The following CIDEA variants were observed in gnomAD, a reference collection of about 807,000 sequenced individuals.
The protein encoded by CIDEA is lipid transferase CIDEA.
CIDEA carries 10 observed loss-of-function variants against 18.2 expected under a neutral mutation model. The observed-to-expected ratio is 0.55, with a 90% CI of 0.34 to 0.93. CIDEA has a LOEUF of 0.93. Ranked by LOEUF, CIDEA falls within the 40% of genes least tolerant of loss-of-function variation. CIDEA has a pLI of 0.02. For missense variants in CIDEA, 309 were observed against 293.1 expected (o/e 1.05, Z -0.40); for synonymous variants, 128 against 124.8 (o/e 1.03, Z -0.17).
chr18:12,266,173 A>G (rs1210358656), intron 3 of CIDEA, among the ~76,000 whole-genome samples: 1 of 152,090 alleles, frequency 6.6e-6, no homozygotes, highest in Non-Finnish European at 1.5e-5. Context: ...GGATGCTGCA[A>G]TGAACTATGA....
rs1333805334 is a variant in CIDEA at position 12,254,425 on chromosome 18, A to C, written c.38+4A>C. 6.3e-7 allele frequency: 1 copy of C among 1,591,882 alleles called. No individual in the cohort carries two copies. The highest frequency in any genetic ancestry group is 1.7e-5 in the Admixed American group (1 of 58,598). ...ACTATGCAGGAGCCCTCATCAGGCGAGTGCCCCGCGTCCCCCTGATTGCCG... is the reference window on the plus strand; with the variant it reads ...ACTATGCAGGAGCCCTCATCAGGCGCGTGCCCCGCGTCCCCCTGATTGCCG... On this transcript the variant is annotated splice_donor_region_variant and intron_variant, in intron 1 of 4. Transcript: ENST00000320477.
At chr18:12,256,920 G>A (rs535779426) in intron 1 of CIDEA, among the ~76,000 whole-genome samples, 2 of 152,214 alleles carry the variant, frequency 1.3e-5, no homozygotes, top group Non-Finnish European at 2.9e-5. Flanking sequence ...GAACCAGGCA[G>A]TCCTTGTCGG....
At position 12,258,672 on chromosome 18, in the gene CIDEA, C is replaced by T. The variant is rs576494544; in HGVS notation, c.39-4153C>T. On this transcript the variant is annotated intron_variant, in intron 1 of 4. Transcript: ENST00000320477. ...AGGTGCCGCACCGCTGGGTGGAAGC[C>T]GGAGCTGGATTCAGACCCTGGTCTA... 2.6e-4 allele frequency among the ~76,000 whole-genome samples: 39 copies of T among 152,320 alleles called. No homozygotes were observed. In the South Asian group the frequency reaches 8.1e-3, roughly 32 times the overall value.
rs201541212 is a variant in CIDEA, at chr18:12,274,254, G to A, written c.492G>A (p.Thr164=). ...CCGTGTCCTACGACATCCGGTGCAC[G>A]GGACTCAAGGGCCTGCTGAGGTAAC... The part of the protein sequence containing the change: ...MYSVSYDIRC[T]GLKGLLRSLL... The change falls in exon 4 of 5, where the codon ACG becomes ACA. Residue 164 remains threonine (T), a synonymous_variant. Coordinates refer to ENST00000320477, the MANE Select transcript of CIDEA (RefSeq NM_001279.4). 1.3e-5 allele frequency: 21 copies of A among 1,614,138 alleles called. No individual in the cohort carries two copies. The highest frequency in any genetic ancestry group is 8.9e-5 in the East Asian group (4 of 44,882).
At chr18:12,265,182 C>T (rs375889941) in intron 3 of CIDEA, among the ~76,000 whole-genome samples, 1 of 152,222 alleles carries the variant, frequency 6.6e-6, no homozygotes, top group Admixed American at 6.5e-5. Flanking sequence ...ATGAAGCCTT[C>T]GGTCTCTGGG....
intron 3 of CIDEA, 53 bp downstream of exon 3, chr18:12,264,506 A>C: frequency 1.4e-6 from 2 of 1,480,584 alleles, no homozygotes; most frequent in Non-Finnish European, 1.8e-6. Flanking sequence ...TTTTACCTAC[A>C]AATTTGTGTG....
intron 1 of CIDEA, among the ~76,000 whole-genome samples, chr18:12,258,455 T>C (rs1027073646): frequency 3.3e-5 from 5 of 152,230 alleles, no homozygotes; most frequent in Non-Finnish European, 5.9e-5. Context: ...CCTAGCATCT[T>C]TCACTCAGTA....
intron 4 of CIDEA, among the ~76,000 whole-genome samples, chr18:12,275,779 T>C (rs1385187928): frequency 6.6e-6 from 1 of 152,182 alleles, no homozygotes; most frequent in Non-Finnish European, 1.5e-5. Context: ...TGGCTGACTC[T>C]AAACTACAGT....
chr18:12,274,744 G>A (rs774315530), intron 4 of CIDEA, among the ~76,000 whole-genome samples: 1 of 152,116 alleles, frequency 6.6e-6, no homozygotes, highest in Non-Finnish European at 1.5e-5. Context: ...ATAATGCCAG[G>A]GCACCGTCAT....
At chr18:12,255,769 C>G (rs542530015) in intron 1 of CIDEA, among the ~76,000 whole-genome samples, 1 of 152,300 alleles carries the variant, frequency 6.6e-6, no homozygotes, top group East Asian at 1.9e-4. Context: ...CTGAGCCTGT[C>G]CCTGCCTCTG....
chr18:12,268,060 T>C lies in CIDEA; in HGVS notation c.330+3607T>C, dbSNP rs75867170. On this transcript the variant is annotated intron_variant, in intron 3 of 4. Transcript: ENST00000320477. The stretch of plus-strand genomic sequence containing the variant: ...GATATTCCCAATAGTCAAAATTGTT[T>C]TTTGTTTGTTTGCTTGTTTTTTGAG... Among the ~76,000 whole-genome samples, 174 of 152,140 alleles carry C rather than the reference T, an allele frequency of 1.1e-3. 4 individuals carry two copies. The East Asian group carries it at 0.031, about 27-fold the overall frequency.
intron 1 of CIDEA, among the ~76,000 whole-genome samples, chr18:12,259,465 G>T (rs1185204209): frequency 6.6e-6 from 1 of 152,172 alleles, no homozygotes; most frequent in Non-Finnish European, 1.5e-5. Context: ...TTCCCTTATT[G>T]ACTGGCCCAC....
chr18:12,254,674 A>G, intron 1 of CIDEA: 1 of 1,522,878 alleles, frequency 6.6e-7, no homozygotes, highest in Non-Finnish European at 8.8e-7. Flanking sequence ...GGGCACAGGT[A>G]CCAGGTGTGG....
At position 12,274,208 on chromosome 18, in the gene CIDEA, C is replaced by T. The variant is rs1912637861; in HGVS notation, c.446C>T (p.Ala149Val). 2 of 1,614,196 alleles carry T rather than the reference C, an allele frequency of 1.2e-6. No individual in the cohort carries two copies. The highest frequency in any genetic ancestry group is 1.7e-6 in the Non-Finnish European group (2 of 1,180,052). Residue 149 changes from alanine to valine, a missense_variant, in exon 4 of 5, where the codon GCC becomes GTC. Ala to Val is a moderately conservative substitution (Grantham distance 64). Transcript: ENST00000320477. Reference sequence around the variant, plus strand: ...TTCATCGGCTGCCTTAACGTGAAGGCCACCATGTATGAGATGTACTCCGTG... The same window carrying T: ...TTCATCGGCTGCCTTAACGTGAAGGTCACCATGTATGAGATGTACTCCGTG... ...KDFIGCLNVK[A>V]TMYEMYSVSY...
chr18:12,273,983 C>T lies in CIDEA; in HGVS notation c.331-110C>T, dbSNP rs545704932. On this transcript the variant is annotated intron_variant, in intron 3 of 4. Coordinates refer to ENST00000320477, the MANE Select transcript of CIDEA (RefSeq NM_001279.4). Reference sequence around the variant, plus strand: ...TATCGATTAGCCACGGAGCCGCTCACAGACCTTAAACAGACACATAGGAGA... The same window carrying T: ...TATCGATTAGCCACGGAGCCGCTCATAGACCTTAAACAGACACATAGGAGA... The T allele has an allele frequency of 3.6e-4, 434 of 1,208,582 alleles. 2 individuals carry two copies. In the African/African-American group the frequency reaches 5.9e-3, roughly 16 times the overall value. The allele number at this position is 1,208,582 out of a possible 1,614,324, so 74.9% of individuals were successfully genotyped here. A position where few individuals can be genotyped will look rare whatever the true frequency, so the allele number is the denominator to read the frequency against.
chr18:12,277,460 TGG>T lies in CIDEA; in HGVS notation c.*196_*197del. ...AGTGGGGGCAGTGGGCAGGGTGCCC[TGG>T]GGGGGAGGCATAGAGGGCCCTGGGG... On this transcript the variant is annotated 3_prime_UTR_variant, in exon 5 of 5. Coordinates refer to ENST00000320477, the MANE Select transcript of CIDEA (RefSeq NM_001279.4). 2 of 381,488 alleles carry T rather than the reference TGG, an allele frequency of 5.2e-6. No homozygotes were observed. The highest frequency in any genetic ancestry group is 8.4e-5 in the Admixed American group (2 of 23,820). The allele number at this position is 381,488 out of a possible 1,614,324, so 23.6% of individuals were successfully genotyped here.
Position 12,277,113 on chromosome 18 carries a change from T to C in CIDEA, c.513-10T>C. The C allele has an allele frequency of 6.2e-7, 1 of 1,613,692 alleles. No homozygotes were observed. Among genetic ancestry groups the C allele is most frequent in the Non-Finnish European group, 8.5e-7 (1 of 1,179,696 alleles). On this transcript the variant is annotated splice_polypyrimidine_tract_variant and intron_variant, in intron 4 of 4. Transcript: ENST00000320477. The stretch of plus-strand genomic sequence containing the variant: ...CCAAGCTAAAGCCTCCCCATCTGCC[T>C]CTGCCACAGGAGTCTGCTGCGGTTC...
chr18:12,277,434 A>C lies in CIDEA; in HGVS notation c.*164A>C. 7 of 592,470 alleles carry C rather than the reference A, an allele frequency of 1.2e-5. No individual in the cohort carries two copies. Among genetic ancestry groups the C allele is most frequent in the East Asian group, 9.3e-5 (2 of 21,406 alleles). The allele number at this position is 592,470 out of a possible 1,614,324, so 36.7% of individuals were successfully genotyped here. ...AAAGGAAAGGGCTTGGTGGTACATG[A>C]AGTGGGGGCAGTGGGCAGGGTGCCC... On this transcript the variant is annotated 3_prime_UTR_variant, in exon 5 of 5. Coordinates refer to ENST00000320477, the MANE Select transcript of CIDEA (RefSeq NM_001279.4).
Position 12,268,229 on chromosome 18 carries a change from C to CTTTTTT in CIDEA, c.330+3776_330+3777insTTTTTT, listed in dbSNP as rs1491473988. ...ACAAGTGCCTGCCACCATGCCCGGC[C>CTTTTTT]ATTTTTTTTTTTTTTTTTTTTTTCA... On this transcript the variant is annotated intron_variant, in intron 3 of 4. Transcript: ENST00000320477. 3.1e-3 allele frequency among the ~76,000 whole-genome samples: 226 copies of CTTTTTT among 72,980 alleles called. 53 individuals are homozygous for CTTTTTT. The highest frequency in any genetic ancestry group is 6.4e-3 in the East Asian group (16 of 2,510). The allele number at this position is 72,980 out of a possible 152,430, so 47.9% of individuals were successfully genotyped here. A position where few individuals can be genotyped will look rare whatever the true frequency, so the allele number is the denominator to read the frequency against.
Sources: gnomAD v4.1 joint callset for allele counts (sites outside exome capture counted in the v4.1 genomes callset) on GRCh38, gnomAD v4.1.1 for gene constraint, MANE v1.5 for transcripts, NCBI Gene and HGNC (gene_info 2026-07-23, HGNC 2026-07-21) for gene names.